Variants in STAT4 observed in about 807,000 individuals in gnomAD.
STAT4 encodes the protein signal transducer and activator of transcription 4.
Under a neutral mutation model 110.5 loss-of-function variants are expected in STAT4, and 42 were observed. The ratio of observed to expected loss-of-function variants is 0.38; its 90% CI spans 0.30 to 0.49. STAT4 has a LOEUF of 0.49. Among genes scored for constraint, STAT4 ranks in the 20% least tolerant of loss-of-function variants. The pLI is 0.95. For synonymous variants in STAT4, 284 were observed against 302.2 expected (o/e 0.94, Z 0.63); for missense variants, 632 against 887.9 (o/e 0.71, Z 3.66).
chr2:191,135,973 A>G lies in STAT4; in HGVS notation c.273+10640T>C, dbSNP rs897422782. Reference sequence around the variant, plus strand: ...ATACTGATGCAAAATTTGTCAACAAAATACTAGCAAATCAAATCCAACAGC... The same window carrying G: ...ATACTGATGCAAAATTTGTCAACAAGATACTAGCAAATCAAATCCAACAGC... On this transcript the variant is annotated intron_variant, in intron 3 of 23. Coordinates refer to ENST00000392320, the MANE Select transcript of STAT4 (RefSeq NM_003151.4). This position sits in a 1 kb window ranked among gnomAD's most constrained non-coding sequence, Gnocchi z 4.8. Among the ~76,000 whole-genome samples, 15 of 151,354 alleles carry G rather than the reference A, an allele frequency of 9.9e-5. No individual in the cohort carries two copies. The highest frequency in any genetic ancestry group is 6.0e-4 in the Admixed American group (9 of 15,110).
At chr2:191,124,130 T>G (rs1245874020) in intron 3 of STAT4, among the ~76,000 whole-genome samples, 3 of 152,178 alleles carry the variant, frequency 2.0e-5, no homozygotes, top group Non-Finnish European at 2.9e-5. Context: ...AATATTCATA[T>G]TTTCAATGTT....
At chr2:191,080,809 C>T (rs1419196390) in intron 3 of STAT4, among the ~76,000 whole-genome samples, 2 of 152,166 alleles carry the variant, frequency 1.3e-5, no homozygotes, top group African/African-American at 2.4e-5. Flanking sequence ...TATCCATCCA[C>T]TATCGTGTTT....
In STAT4 at chr2:191,104,777, CT is replaced by C. The variant is rs1698234585; in HGVS notation, c.274-28453del. Among the ~76,000 whole-genome samples the C allele has an allele frequency of 6.6e-6, 1 of 152,002 alleles. No homozygotes were observed. The highest frequency in any genetic ancestry group is 2.4e-5 in the African/African-American group (1 of 41,402). Reference sequence around the variant, plus strand: ...TTCTCTCTATTACTCTTTTATTTTGCTGCCAACTGGTAAAAACTTTATTAAG... The same window carrying C: ...TTCTCTCTATTACTCTTTTATTTTGCGCCAACTGGTAAAAACTTTATTAAG... On this transcript the variant is annotated intron_variant, in intron 3 of 23. Transcript: ENST00000392320. The surrounding 1 kb of genome is among the most constrained non-coding windows in gnomAD (Gnocchi z 4.3).
intron 3 of STAT4, among the ~76,000 whole-genome samples, chr2:191,115,654 C>T (rs1347993628): frequency 1.3e-5 from 2 of 152,254 alleles, no homozygotes; most frequent in South Asian, 2.1e-4. Flanking sequence ...ACAATTGGAC[C>T]GAATGCTCCT....
chr2:191,106,647 AAAAATAAAATAAAAT>A (rs199803507), intron 3 of STAT4, among the ~76,000 whole-genome samples: 15,506 of 127,240 alleles, frequency 0.12, 1,400 homozygotes, highest in East Asian at 0.39. Context: ...ACTCCATCTC[AAAAATAAAATAAAAT>A]AAAATAAAAT....
intron 3 of STAT4, among the ~76,000 whole-genome samples, chr2:191,092,715 C>T (rs1003683787): frequency 3.9e-5 from 6 of 152,110 alleles, no homozygotes; most frequent in African/African-American, 7.2e-5. Context: ...GTTCAGCCCA[C>T]GGAGGGTGAG....
At chr2:191,049,367 G>A (rs1051493564) in intron 14 of STAT4, among the ~76,000 whole-genome samples, 12 of 151,820 alleles carry the variant, frequency 7.9e-5, no homozygotes, top group South Asian at 2.1e-4. Context: ...TAGTAGAGAC[G>A]GGGTTTCACT....
chr2:191,133,267 C>T, intron 3 of STAT4, among the ~76,000 whole-genome samples: 1 of 151,322 alleles, frequency 6.6e-6, no homozygotes, highest in Non-Finnish European at 1.5e-5. Context: ...ACTTATTGAG[C>T]ACCTAGTATG....
chr2:191,141,871 G>A (rs1346126527), intron 3 of STAT4, among the ~76,000 whole-genome samples: 3 of 151,874 alleles, frequency 2.0e-5, no homozygotes, highest in Non-Finnish European at 2.9e-5. Context: ...CCTCAGTACT[G>A]GAATTACAGG....
intron 3 of STAT4, among the ~76,000 whole-genome samples, chr2:191,136,999 A>G (rs577417752): frequency 8.8e-5 from 13 of 148,486 alleles, no homozygotes; most frequent in Non-Finnish European, 1.9e-4. Flanking sequence ...AAATTTAACG[A>G]AGAAAGTGAA....
chr2:191,066,908 A>G lies in STAT4; in HGVS notation c.545-393T>C, dbSNP rs1285733226. 2.0e-5 allele frequency among the ~76,000 whole-genome samples: 3 copies of G among 152,060 alleles called. No individual in the cohort carries two copies. Among genetic ancestry groups the G allele is most frequent in the African/African-American group, 4.8e-5 (2 of 41,380 alleles). ...CACCCTTTGTGCCCCTGATTAAATC[A>G]TATTTGACTCTCTGTTGCCTTCACA... On this transcript the variant is annotated intron_variant, in intron 6 of 23. Transcript: ENST00000392320. This position sits in a 1 kb window ranked among gnomAD's most constrained non-coding sequence, Gnocchi z 4.3.
At chr2:191,040,141 C>T (rs942579743) in intron 15 of STAT4, among the ~76,000 whole-genome samples, 1 of 152,198 alleles carries the variant, frequency 6.6e-6, no homozygotes, top group Non-Finnish European at 1.5e-5. Context: ...TGTGTTTGTT[C>T]ATTCATGCAC....
Position 191,110,703 on chromosome 2 carries a change from A to T in STAT4, c.274-34378T>A, listed in dbSNP as rs559751241. ...GGAGAAAATGCATGAATTTCAGTTG[A>T]TACAACTGAAGTACCGTATCACTGA... On this transcript the variant is annotated intron_variant, in intron 3 of 23. Coordinates refer to ENST00000392320, the MANE Select transcript of STAT4 (RefSeq NM_003151.4). The surrounding 1 kb of genome is among the most constrained non-coding windows in gnomAD (Gnocchi z 4.5). 2.0e-5 allele frequency among the ~76,000 whole-genome samples: 3 copies of T among 152,336 alleles called. No individual in the cohort carries two copies. The highest frequency in any genetic ancestry group is 4.4e-5 in the Non-Finnish European group (3 of 68,030).
intron 14 of STAT4, among the ~76,000 whole-genome samples, chr2:191,044,920 C>T (rs1696307072): frequency 6.6e-6 from 1 of 151,988 alleles, no homozygotes; most frequent in Non-Finnish European, 1.5e-5. Flanking sequence ...AAAAGTAATA[C>T]AAGAATGGAA....
At position 191,142,118 on chromosome 2, in the gene STAT4, C is replaced by G. The variant is rs1366740265; in HGVS notation, c.273+4495G>C. The stretch of plus-strand genomic sequence containing the variant: ...TTAGAATATAAAAGAGATGCCTGCA[C>G]TTGCATGTTTATTGCAGGACTATTC... On this transcript the variant is annotated intron_variant, in intron 3 of 23. Transcript: ENST00000392320. This position sits in a 1 kb window ranked among gnomAD's most constrained non-coding sequence, Gnocchi z 4.1. 1.3e-5 allele frequency among the ~76,000 whole-genome samples: 2 copies of G among 152,114 alleles called. No homozygotes were observed. Among genetic ancestry groups the G allele is most frequent in the Non-Finnish European group, 2.9e-5 (2 of 68,022 alleles).
Position 191,130,363 on chromosome 2 carries a change from C to G in STAT4, c.273+16250G>C, listed in dbSNP as rs921915549. Among the ~76,000 whole-genome samples the G allele has an allele frequency of 2.2e-4, 33 of 147,992 alleles. 2 individuals are homozygous for G. The highest frequency in any genetic ancestry group is 7.3e-4 in the Admixed American group (11 of 15,024). On this transcript the variant is annotated intron_variant, in intron 3 of 23. Transcript: ENST00000392320. ...TCAGCCTCCCAAGTAGCTTGGACTACAGGCACCTGCCACCACGCCAGCTAA... is the reference window on the plus strand; with the variant it reads ...TCAGCCTCCCAAGTAGCTTGGACTAGAGGCACCTGCCACCACGCCAGCTAA...
Position 191,033,780 on chromosome 2 carries a change from A to G in STAT4, c.1715+131T>C. On this transcript the variant is annotated intron_variant, in intron 19 of 23. Transcript: ENST00000392320. This position sits in a 1 kb window ranked among gnomAD's most constrained non-coding sequence, Gnocchi z 6.9. ...TAATATACATAGTGCCACTCCACAA[A>G]GAATAAGAAATTGCAACTATTTTTT... 1 of 1,340,956 alleles carries G rather than the reference A, an allele frequency of 7.5e-7. No homozygotes were observed. The highest frequency in any genetic ancestry group is 1.5e-5 in the South Asian group (1 of 68,006). The allele number at this position is 1,340,956 out of a possible 1,614,324, so 83.1% of individuals were successfully genotyped here. A position where few individuals can be genotyped will look rare whatever the true frequency, so the allele number is the denominator to read the frequency against.
In STAT4 at chr2:191,037,336, C is replaced by T. The variant is rs759484773; in HGVS notation, c.1435-1037G>A. Among the ~76,000 whole-genome samples, 1 of 152,020 alleles carries T rather than the reference C, an allele frequency of 6.6e-6. No homozygotes were observed. Among genetic ancestry groups the T allele is most frequent in the Non-Finnish European group, 1.5e-5 (1 of 68,008 alleles). ...TCTACATAATTAAAAAAAACAAAAA[C>T]AGAGAAATGATCTCGCTCTGTTGCT... On this transcript the variant is annotated intron_variant, in intron 16 of 23. Coordinates refer to ENST00000392320, the MANE Select transcript of STAT4 (RefSeq NM_003151.4). The surrounding 1 kb of genome is among the most constrained non-coding windows in gnomAD (Gnocchi z 4.8).
At position 191,061,945 on chromosome 2, in the gene STAT4, A is replaced by G. The variant is rs149060390; in HGVS notation, c.942-124T>C. The G allele has an allele frequency of 1.3e-6, 1 of 777,974 alleles. No individual in the cohort carries two copies. The highest frequency in any genetic ancestry group is 1.8e-5 in the African/African-American group (1 of 56,166). The allele number at this position is 777,974 out of a possible 1,614,324, so 48.2% of individuals were successfully genotyped here. A position where few individuals can be genotyped will look rare whatever the true frequency, so the allele number is the denominator to read the frequency against. ...TTTTCTACACTTAGAAGATATTCAA[A>G]CCCCCAATTAAACTCAAATCTTTAC... On this transcript the variant is annotated intron_variant, in intron 9 of 23. Transcript: ENST00000392320. This position sits in a 1 kb window ranked among gnomAD's most constrained non-coding sequence, Gnocchi z 6.2.
Sources: allele counts gnomAD v4.1 joint callset (sites outside exome capture counted in the v4.1 genomes callset), GRCh38; gene constraint gnomAD v4.1.1; non-coding constraint Gnocchi (gnomAD v3.1); transcripts MANE v1.5; gene names NCBI Gene and HGNC (gene_info 2026-07-23, HGNC 2026-07-21).